GAB2: variants seen among roughly 807,000 people sequenced by gnomAD.
The protein encoded by GAB2 is GRB2-associated-binding protein 2.
In GAB2, 26 loss-of-function variants were observed where a neutral mutation model predicts 65.5. The ratio of observed to expected loss-of-function variants is 0.40; its 90% CI spans 0.29 to 0.55. The LOEUF is 0.55. GAB2 is among the 20% of genes least tolerant of loss of function. The pLI is 0.53. For synonymous variants in GAB2, 321 were observed against 329.6 expected (o/e 0.97, Z 0.28); for missense variants, 884 against 875.8 (o/e 1.01, Z -0.12).
At chr11:78,281,403 G>A (rs1200541953) in intron 1 of GAB2, among the ~76,000 whole-genome samples, 9 of 152,054 alleles carry the variant, frequency 5.9e-5, no homozygotes, top group Non-Finnish European at 1.0e-4. Flanking sequence ...GTGCCACCAC[G>A]CCTGGCTAAT....
chr11:78,287,806 A>G (rs887135875), intron 1 of GAB2, among the ~76,000 whole-genome samples: 3 of 151,170 alleles, frequency 2.0e-5, no homozygotes, highest in Non-Finnish European at 4.4e-5. Context: ...GCACTGCCAC[A>G]CTGGCTAATT....
chr11:78,263,068 C>T (rs1165676379), intron 2 of GAB2, among the ~76,000 whole-genome samples: 3 of 152,202 alleles, frequency 2.0e-5, no homozygotes, highest in Non-Finnish European at 4.4e-5. Context: ...GACCCTTAGA[C>T]TAAAAGTTCT....
At chr11:78,228,933 T>G (rs1864762905) in intron 3 of GAB2, among the ~76,000 whole-genome samples, 1 of 152,216 alleles carries the variant, frequency 6.6e-6, no homozygotes. Flanking sequence ...AACTCTCTGT[T>G]GGATGCTCCC....
intron 3 of GAB2, among the ~76,000 whole-genome samples, chr11:78,240,277 G>A (rs1293441978): frequency 6.6e-6 from 1 of 152,078 alleles, no homozygotes; most frequent in Non-Finnish European, 1.5e-5. Context: ...ACTCAGAACA[G>A]TCACACCCTC....
At chr11:78,373,358 C>G (rs904538383) in intron 1 of GAB2, among the ~76,000 whole-genome samples, 15 of 151,828 alleles carry the variant, frequency 9.9e-5, no homozygotes, top group African/African-American at 3.6e-4. Context: ...CCTGCCTCAG[C>G]CTCTGGAGTA....
intron 2 of GAB2, among the ~76,000 whole-genome samples, chr11:78,259,193 A>G (rs920633204): frequency 6.6e-6 from 1 of 152,190 alleles, no homozygotes; most frequent in Non-Finnish European, 1.5e-5. Context: ...CTCATTTCCC[A>G]CACTGTCAAA....
intron 2 of GAB2, among the ~76,000 whole-genome samples, chr11:78,276,211 C>T (rs1475838233): frequency 2.0e-5 from 3 of 151,840 alleles, no homozygotes; most frequent in South Asian, 2.1e-4. Context: ...GAGGTGGGAA[C>T]GCTGCTTGAG....
At chr11:78,254,335 G>A (rs984040034) in intron 2 of GAB2, among the ~76,000 whole-genome samples, 2 of 152,072 alleles carry the variant, frequency 1.3e-5, no homozygotes, top group African/African-American at 2.4e-5. Context: ...TTTCCCTGGC[G>A]CAAAAATCCA....
intron 1 of GAB2, among the ~76,000 whole-genome samples, chr11:78,351,375 C>T (rs994017368): frequency 6.6e-6 from 1 of 152,108 alleles, no homozygotes; most frequent in East Asian, 1.9e-4. Flanking sequence ...GAGAGCTCTG[C>T]CAGCTGAGCT....
chr11:78,373,389 T>A (rs1856596357), intron 1 of GAB2, among the ~76,000 whole-genome samples: 1 of 151,922 alleles, frequency 6.6e-6, no homozygotes. Flanking sequence ...CAGGCATGCA[T>A]CACCACACCC....
At chr11:78,334,943 A>G (rs1855974184) in intron 1 of GAB2, among the ~76,000 whole-genome samples, 1 of 152,224 alleles carries the variant, frequency 6.6e-6, no homozygotes, top group South Asian at 2.1e-4. Flanking sequence ...AGCCATTTTA[A>G]TTGAGGTGAC....
chr11:78,227,631 CAAA>C (rs55716895), intron 3 of GAB2, among the ~76,000 whole-genome samples: 29 of 106,028 alleles, frequency 2.7e-4, no homozygotes, highest in Admixed American at 3.1e-4. Flanking sequence ...CCATTGCCAC[CAAA>C]AAAAAAAAAA....
rs147458353 is a variant in GAB2, at chr11:78,391,810, A to C, written c.75+25836T>G. 3.7e-3 allele frequency among the ~76,000 whole-genome samples: 558 copies of C among 152,322 alleles called. 5 individuals carry two copies. The highest frequency in any genetic ancestry group is 0.012 in the African/African-American group (502 of 41,580). On this transcript the variant is annotated intron_variant, in intron 1 of 9. Transcript: ENST00000361507. ...CCCTCTCTGAATTCCTGACCCACAC[A>C]ATCTGTGAGTAAAATAAAATGGTTA... is the stretch of plus-strand genomic sequence containing the variant.
At chr11:78,393,274 G>A (rs1476568638) in intron 1 of GAB2, among the ~76,000 whole-genome samples, 1 of 152,178 alleles carries the variant, frequency 6.6e-6, no homozygotes, top group African/African-American at 2.4e-5. Context: ...TACTGCTGGA[G>A]ATTCCCCCGC....
At chr11:78,329,238 C>G (rs1855875331) in intron 1 of GAB2, among the ~76,000 whole-genome samples, 1 of 152,062 alleles carries the variant, frequency 6.6e-6, no homozygotes, top group African/African-American at 2.4e-5. Context: ...GGTTTTGTGT[C>G]TGGGTTGCGT....
intron 1 of GAB2, among the ~76,000 whole-genome samples, chr11:78,319,803 C>A (rs1855686562): frequency 6.6e-6 from 1 of 151,978 alleles, no homozygotes; most frequent in Admixed American, 6.6e-5. Flanking sequence ...GAGGATACAG[C>A]AGTAAACAAA....
chr11:78,274,252 G>C (rs529615676), intron 2 of GAB2, among the ~76,000 whole-genome samples: 5 of 152,228 alleles, frequency 3.3e-5, no homozygotes, highest in Admixed American at 6.5e-5. Context: ...CAGACAGAGA[G>C]ACAAATGAGA....
intron 2 of GAB2, among the ~76,000 whole-genome samples, chr11:78,277,990 C>G (rs529464428): frequency 6.6e-6 from 1 of 152,126 alleles, no homozygotes; most frequent in African/African-American, 2.4e-5. Context: ...TTGCTGCAGA[C>G]CCAGATAGAT....
At chr11:78,239,091 C>A (rs1322819677) in intron 3 of GAB2, among the ~76,000 whole-genome samples, 1 of 150,408 alleles carries the variant, frequency 6.6e-6, no homozygotes, top group African/African-American at 2.4e-5. Context: ...GCACCCATTT[C>A]TATTAAGAAA....
Sources: gnomAD v4.1 joint callset for allele counts (sites outside exome capture counted in the v4.1 genomes callset) on GRCh38, gnomAD v4.1.1 for gene constraint, MANE v1.5 for transcripts, NCBI Gene and HGNC (gene_info 2026-07-23, HGNC 2026-07-21) for gene names.